TACC2: variants seen among roughly 807,000 people sequenced by gnomAD.
TACC2 encodes the protein transforming acidic coiled-coil containing protein 2, also known as transforming acidic coiled-coil-containing protein 2.
Under a neutral mutation model 227.3 loss-of-function variants are expected in TACC2, and 137 were observed. That is an observed-to-expected ratio of 0.60 (90% CI 0.52 to 0.69). TACC2 has a LOEUF of 0.69. Among genes scored for constraint, TACC2 ranks in the 30% least tolerant of loss-of-function variants. TACC2 has a pLI of 0.00. For missense variants in TACC2, 3,470 were observed against 3,694.4 expected, an observed-to-expected ratio of 0.94 and a Z score of 1.57; for synonymous variants, 1,523 against 1,487.5, an observed-to-expected ratio of 1.02 and a Z score of -0.55.
intron 7 of TACC2, among the ~76,000 whole-genome samples, chr10:122,177,285 A>G (rs976721043): frequency 1.3e-5 from 2 of 152,218 alleles, no homozygotes; most frequent in South Asian, 2.1e-4. Context: ...CAGATAAAGC[A>G]TTCTCATTTT....
At chr10:122,236,811 A>G (rs986850820) in intron 16 of TACC2, among the ~76,000 whole-genome samples, 1 of 152,242 alleles carries the variant, frequency 6.6e-6, no homozygotes, top group East Asian at 1.9e-4. Context: ...TAACTCCAAC[A>G]TAACTCTTAC....
chr10:122,137,037 G>T (rs2089813509), intron 6 of TACC2, among the ~76,000 whole-genome samples: 1 of 151,984 alleles, frequency 6.6e-6, no homozygotes, highest in Non-Finnish European at 1.5e-5. Context: ...GAAAAAGAAG[G>T]CACCTCTATC....
At chr10:122,166,141 C>T (rs1056555770) in intron 7 of TACC2, among the ~76,000 whole-genome samples, 5 of 152,106 alleles carry the variant, frequency 3.3e-5, no homozygotes, top group Non-Finnish European at 4.4e-5. Flanking sequence ...AGGGTGCGCA[C>T]CTGCCGCGGG....
At chr10:122,020,424 C>T (rs752546829) in intron 1 of TACC2, among the ~76,000 whole-genome samples, 2 of 151,950 alleles carry the variant, frequency 1.3e-5, no homozygotes, top group African/African-American at 2.4e-5. Context: ...GCTGTGGTGA[C>T]GTCACTCAGT....
chr10:122,137,870 C>G (rs565390894), intron 6 of TACC2, among the ~76,000 whole-genome samples: 2 of 152,182 alleles, frequency 1.3e-5, no homozygotes, highest in Non-Finnish European at 2.9e-5. Context: ...CTCATCACAG[C>G]TCCTCAGGAA....
At chr10:122,064,145 G>A (rs2077141714) in intron 3 of TACC2, among the ~76,000 whole-genome samples, 1 of 152,106 alleles carries the variant, frequency 6.6e-6, no homozygotes, top group South Asian at 2.1e-4. Context: ...TTGGGTGACA[G>A]AGCGAGACTC....
chr10:122,079,215 G>A (rs2079171597), intron 3 of TACC2: 1 of 152,186 alleles, frequency 6.6e-6, no homozygotes, highest in South Asian at 2.1e-4. Context: ...AAGGAAAATT[G>A]CCAGGTCCAG....
intron 6 of TACC2, among the ~76,000 whole-genome samples, chr10:122,135,899 C>A (rs547390487): frequency 6.6e-6 from 1 of 152,332 alleles, no homozygotes; most frequent in African/African-American, 2.4e-5. Context: ...CCTTGGTGAG[C>A]ACATTGTTTC....
intron 5 of TACC2, among the ~76,000 whole-genome samples, chr10:122,096,324 C>T (rs545986088): frequency 5.9e-5 from 9 of 152,316 alleles, no homozygotes; most frequent in South Asian, 2.1e-4. Context: ...CTGGATGGCC[C>T]CATGAACTGG....
rs771028132 is a variant in TACC2, at chr10:122,229,417, T to C, written c.7968T>C (p.Cys2656=). The change falls in exon 15 of 23, where the codon TGT becomes TGC. Residue 2656 remains cysteine, a synonymous_variant. Transcript: ENST00000369005. ...GGCTAGCTCACCCCGTCTCTCTCTG[T>C]GGTGCACTTGACTATCTGGAGCCCG... ...LSRLAHPVSL[C]GALDYLEPDL... is the part of the protein sequence containing the mutation. 8 of 1,614,072 alleles carry C rather than the reference T, an allele frequency of 5.0e-6. No individual in the cohort carries two copies. The highest frequency in any genetic ancestry group is 6.8e-6 in the Non-Finnish European group (8 of 1,180,026).
chr10:122,101,486 A>G (rs980937493), intron 5 of TACC2, among the ~76,000 whole-genome samples: 2 of 151,556 alleles, frequency 1.3e-5, no homozygotes. Context: ...TTGGGAGGCC[A>G]AGGCTGGAGG....
Position 122,082,653 on chromosome 10 carries a change from C to G in TACC2, c.153C>G (p.Gly51=), listed in dbSNP as rs952513086. The part of the protein sequence containing the change: ...SPDHRDASSI[G]SVGLGGFCTA... ...AAACATTAAATATTTTCAGCATTGG[C>G]AGCGTTGGGCTTGGAGGCTTCTGCA... The change falls in exon 4 of 23, where the codon GGC becomes GGG. Residue 51 remains glycine (G), a synonymous_variant. Transcript: ENST00000369005. The G allele has an allele frequency of 1.2e-6, 2 of 1,603,726 alleles. No homozygotes were observed. Among genetic ancestry groups the G allele is most frequent in the South Asian group, 2.2e-5 (2 of 90,320 alleles).
rs944076291 is a variant in TACC2 at position 122,205,116 on chromosome 10, C to T, written c.5972-5281C>T. 6.6e-5 allele frequency among the ~76,000 whole-genome samples: 10 copies of T among 152,238 alleles called. No individual in the cohort carries two copies. The highest frequency in any genetic ancestry group is 6.2e-4 in the South Asian group (3 of 4,834). On this transcript the variant is annotated intron_variant, in intron 8 of 22. Coordinates refer to ENST00000369005, the MANE Select transcript of TACC2 (RefSeq NM_206862.4). This position sits in a 1 kb window ranked among gnomAD's most constrained non-coding sequence, Gnocchi z 4.5. ...TTCTTCATCACTAAGTGAGTTAGCA[C>T]GGTCAGTAACTGTCCCCACAGTGCC...
intron 3 of TACC2, among the ~76,000 whole-genome samples, chr10:122,060,831 T>G (rs891518040): frequency 7.4e-5 from 11 of 149,572 alleles, no homozygotes; most frequent in Admixed American, 2.0e-4. Context: ...ATGGCGAAAC[T>G]CTGTCTCTAC....
rs767703887 is a variant in TACC2 at position 122,083,015 on chromosome 10, G to A, written c.515G>A (p.Ser172Asn). Residue 172 changes from serine (S) to asparagine (N), a missense_variant, in exon 4 of 23, where the codon AGT becomes AAT. Coordinates refer to ENST00000369005, the MANE Select transcript of TACC2 (RefSeq NM_206862.4). ...TPYQEIAAVP[S>N]AGRERQPKEE... ...TACCAAGAGATTGCTGCCGTCCCCA[G>A]TGCTGGAAGAGAGAGACAGCCGAAG... The A allele has an allele frequency of 1.2e-6, 2 of 1,612,576 alleles. No homozygotes were observed. The highest frequency in any genetic ancestry group is 1.1e-5 in the South Asian group (1 of 91,084).
intron 5 of TACC2, among the ~76,000 whole-genome samples, chr10:122,102,701 A>C (rs1476221049): frequency 6.6e-6 from 1 of 152,158 alleles, no homozygotes; most frequent in African/African-American, 2.4e-5. Flanking sequence ...GGCTTGTGAG[A>C]CCAGCCGTCA....
chr10:122,088,025 T>C (rs2080278974), intron 4 of TACC2, 66 bp downstream of exon 4: 12 of 1,450,322 alleles, frequency 8.3e-6, no homozygotes, highest in Non-Finnish European at 1.1e-5. Flanking sequence ...CCAGCCTGAT[T>C]TTTAGAAGTC....
At chr10:122,076,842 C>T (rs1010364237) in intron 3 of TACC2, among the ~76,000 whole-genome samples, 14 of 152,126 alleles carry the variant, frequency 9.2e-5, no homozygotes, top group Middle Eastern at 3.4e-3. Context: ...GGGCCGGGTG[C>T]GGTGGCTCAT....
chr10:122,006,838 A>T (rs1299667560), intron 1 of TACC2, among the ~76,000 whole-genome samples: 2 of 145,366 alleles, frequency 1.4e-5, no homozygotes, highest in Admixed American at 6.9e-5. Flanking sequence ...GCCATTTCTT[A>T]TCCTCTTCAT....
Sources: gnomAD v4.1 joint callset for allele counts (sites outside exome capture counted in the v4.1 genomes callset) on GRCh38, gnomAD v4.1.1 for gene constraint, Gnocchi (gnomAD v3.1) non-coding constraint, MANE v1.5 for transcripts, NCBI Gene and HGNC (gene_info 2026-07-23, HGNC 2026-07-21) for gene names.